SLC39A9: variants seen among roughly 807,000 people sequenced by gnomAD.
SLC39A9 encodes the protein solute carrier family 39 member 9.
A neutral mutation model predicts 28.4 loss-of-function variants in SLC39A9; 14 were observed. The observed-to-expected ratio is 0.49, with a 90% CI of 0.33 to 0.77. The LOEUF (loss-of-function observed/expected upper bound fraction) is 0.77. Ranked by LOEUF, SLC39A9 falls within the 30% of genes least tolerant of loss-of-function variation. The pLI is 0.02. For synonymous variants in SLC39A9, 119 were observed against 149.6 expected (o/e 0.80, Z 1.49); for missense variants, 283 against 381.1 (o/e 0.74, Z 2.14).
At chr14:69,414,740 T>A (rs950432819) in intron 1 of SLC39A9, among the ~76,000 whole-genome samples, 2 of 152,216 alleles carry the variant, frequency 1.3e-5, no homozygotes, top group African/African-American at 4.8e-5. Context: ...TTAGAACATA[T>A]CTGTTATTCT....
At chr14:69,429,624 G>C (rs922699646) in intron 2 of SLC39A9, among the ~76,000 whole-genome samples, 1 of 152,144 alleles carries the variant, frequency 6.6e-6, no homozygotes, top group African/African-American at 2.4e-5. Context: ...AGACTGAAGT[G>C]GGGGGATTGC....
intron 2 of SLC39A9, among the ~76,000 whole-genome samples, chr14:69,431,559 C>CT (rs80208612): frequency 0.13 from 18,443 of 142,306 alleles, 1,233 homozygotes; most frequent in East Asian, 0.19. Context: ...CCCTGTTTCT[C>CT]TTTTTTTTTT....
At chr14:69,411,616 CAT>C (rs1883268757) in intron 1 of SLC39A9, among the ~76,000 whole-genome samples, 1 of 151,996 alleles carries the variant, frequency 6.6e-6, no homozygotes, top group African/African-American at 2.4e-5. Context: ...AGTGATTTAC[CAT>C]AAGCAAAAGA....
At chr14:69,432,261 G>A (rs886534859) in intron 2 of SLC39A9, among the ~76,000 whole-genome samples, 1 of 152,086 alleles carries the variant, frequency 6.6e-6, no homozygotes, top group Non-Finnish European at 1.5e-5. Flanking sequence ...ATTCTGATTG[G>A]TGTAAGATGA....
At position 69,460,808 on chromosome 14, in the gene SLC39A9, T is replaced by G. The variant is rs1294835597; in HGVS notation, c.*2215T>G. ...AGCTCTCAGAAGCTATGTATGGGCT[T>G]TCCCAGATTTTAAAGCTGCTGCCTC... On this transcript the variant is annotated 3_prime_UTR_variant, in exon 7 of 7. Coordinates refer to ENST00000336643, the MANE Select transcript of SLC39A9 (RefSeq NM_018375.5). 2.0e-6 allele frequency: 2 copies of G among 985,360 alleles called. No homozygotes were observed. Among genetic ancestry groups the G allele is most frequent in the East Asian group, 2.3e-4 (2 of 8,830 alleles). 61.0% of individuals were successfully genotyped at this position (985,360 alleles called of 1,614,324 possible). A position where few individuals can be genotyped will look rare whatever the true frequency, so the allele number is the denominator to read the frequency against.
intron 4 of SLC39A9, 64 bp from the exon 5 acceptor site, chr14:69,454,748 A>T: frequency 7.2e-7 from 1 of 1,389,632 alleles, no homozygotes; most frequent in Non-Finnish European, 1.0e-6. Context: ...CATACACTCA[A>T]CCACTACACT....
chr14:69,451,703 C>G (rs1030605000), intron 3 of SLC39A9, among the ~76,000 whole-genome samples: 5 of 152,058 alleles, frequency 3.3e-5, no homozygotes, highest in Non-Finnish European at 5.9e-5. Flanking sequence ...GAGCTGGAAT[C>G]AATTTTTTAA....
At position 69,423,896 on chromosome 14, in the gene SLC39A9, CAA is replaced by C. The variant is rs11342292; in HGVS notation, c.97-180_97-179del. ...TGAGCGACAGAGCAAGATTCTGTCTCAAAAAAAAAAAAAAAAAAATTCATCTC... is the reference window on the plus strand; with the variant it reads ...TGAGCGACAGAGCAAGATTCTGTCTCAAAAAAAAAAAAAAAAATTCATCTC... On this transcript the variant is annotated intron_variant, in intron 1 of 6. Transcript: ENST00000336643. Among the ~76,000 whole-genome samples the C allele has an allele frequency of 5.1e-3, 611 of 120,332 alleles. 4 individuals carry two copies. The highest frequency in any genetic ancestry group is 0.012 in the African/African-American group (393 of 34,154). 78.9% of individuals were successfully genotyped at this position (120,332 alleles called of 152,430 possible).
intron 1 of SLC39A9, among the ~76,000 whole-genome samples, chr14:69,420,367 G>A (rs1279054567): frequency 3.3e-5 from 5 of 152,160 alleles, no homozygotes; most frequent in South Asian, 2.1e-4. Flanking sequence ...TGAGAGATAC[G>A]CTGTTAGTCT....
chr14:69,422,508 T>A (rs1883955261), intron 1 of SLC39A9, among the ~76,000 whole-genome samples: 2 of 152,164 alleles, frequency 1.3e-5, no homozygotes, highest in Non-Finnish European at 2.9e-5. Context: ...ACTCCTGGGT[T>A]TAAACGATCC....
At chr14:69,439,531 G>A (rs573087570) in intron 2 of SLC39A9, among the ~76,000 whole-genome samples, 1 of 152,268 alleles carries the variant, frequency 6.6e-6, no homozygotes, top group East Asian at 1.9e-4. Flanking sequence ...TACCCAAAGT[G>A]ATCTACAGAT....
chr14:69,433,517 C>T (rs964421568), intron 2 of SLC39A9, among the ~76,000 whole-genome samples: 1 of 152,054 alleles, frequency 6.6e-6, no homozygotes, highest in African/African-American at 2.4e-5. Context: ...AATATTTCTT[C>T]CATAAATATT....
At chr14:69,416,192 G>A (rs1296048745) in intron 1 of SLC39A9, among the ~76,000 whole-genome samples, 3 of 151,896 alleles carry the variant, frequency 2.0e-5, no homozygotes, top group Non-Finnish European at 4.4e-5. Context: ...TCATTGATCA[G>A]TTCCCACCTA....
rs150262239 is a variant in SLC39A9 at position 69,435,829 on chromosome 14, C to T, written c.206-6240C>T. On this transcript the variant is annotated intron_variant, in intron 2 of 6. Transcript: ENST00000336643. Reference sequence around the variant, plus strand: ...CTGAGATTACAGGGGTGTGCCACCACGCCTGGCTTATTTTTGCATTTTTAG... The same window carrying T: ...CTGAGATTACAGGGGTGTGCCACCATGCCTGGCTTATTTTTGCATTTTTAG... 7.7e-3 allele frequency among the ~76,000 whole-genome samples: 1,165 copies of T among 152,082 alleles called. 20 individuals carry two copies. The highest frequency in any genetic ancestry group is 0.027 in the African/African-American group (1,130 of 41,490).
chr14:69,433,944 C>G (rs2140286649), intron 2 of SLC39A9, among the ~76,000 whole-genome samples: 1 of 152,202 alleles, frequency 6.6e-6, no homozygotes, highest in South Asian at 2.1e-4. Flanking sequence ...GCCACCAGGC[C>G]TAGCTAATTT....
intron 1 of SLC39A9, among the ~76,000 whole-genome samples, chr14:69,405,357 A>G (rs556771458): frequency 6.6e-6 from 1 of 152,298 alleles, no homozygotes; most frequent in African/African-American, 2.4e-5. Context: ...AGATTTAACA[A>G]TGTTACATTT....
chr14:69,426,791 T>C (rs900407806), intron 2 of SLC39A9, among the ~76,000 whole-genome samples: 5 of 152,232 alleles, frequency 3.3e-5, no homozygotes, highest in African/African-American at 1.2e-4. Flanking sequence ...AAAGGCTATG[T>C]AAGTTATGAA....
chr14:69,455,744 T>C lies in SLC39A9; in HGVS notation c.571T>C (p.Phe191Leu). 1 of 1,614,200 alleles carries C rather than the reference T, an allele frequency of 6.2e-7. No homozygotes were observed. Among genetic ancestry groups the C allele is most frequent in the Non-Finnish European group, 8.5e-7 (1 of 1,180,024 alleles). ...AIMLHKAPAA[F>L]GLVSFLMHAG... ...TTTTTATTTCCAGGCACCAGCTGCT[T>C]TTGGACTGGTTTCCTTCTTGATGCA... The change falls in exon 6 of 7, where the codon TTT (phenylalanine) becomes CTT (leucine). Residue 191 changes from phenylalanine (F) to leucine (L), a missense_variant. Physicochemically the swap from Phe to Leu is conservative, Grantham distance 22 (BLOSUM62 0). Transcript: ENST00000336643.
Position 69,459,193 on chromosome 14 carries a change from T to G in SLC39A9, c.*600T>G, listed in dbSNP as rs138532035. 339 of 985,604 alleles carry G rather than the reference T, an allele frequency of 3.4e-4. No homozygotes were observed. The African/African-American group carries it at 5.4e-3, about 16-fold the overall frequency. 61.1% of individuals were successfully genotyped at this position (985,604 alleles called of 1,614,324 possible). A position where few individuals can be genotyped will look rare whatever the true frequency, so the allele number is the denominator to read the frequency against. ...GCTCTCTTTATACTCAAAAGAGATA[T>G]CCATTGAAAAGGGATGTCTAGAGGG... On this transcript the variant is annotated 3_prime_UTR_variant, in exon 7 of 7. Coordinates refer to ENST00000336643, the MANE Select transcript of SLC39A9 (RefSeq NM_018375.5).
Sources: allele counts gnomAD v4.1 joint callset (sites outside exome capture counted in the v4.1 genomes callset), GRCh38; gene constraint gnomAD v4.1.1; transcripts MANE v1.5; gene names NCBI Gene and HGNC (gene_info 2026-07-23, HGNC 2026-07-21).